The following ZGRF1 variants were observed in gnomAD, a reference collection of about 807,000 sequenced individuals.
ZGRF1 encodes the protein 5'-3' DNA helicase ZGRF1.
ZGRF1 carries 196 observed loss-of-function variants against 203.5 expected under a neutral mutation model. That is an observed-to-expected ratio of 0.96 (90% CI 0.86 to 1.08). ZGRF1 has a LOEUF of 1.08. Ranked by LOEUF, ZGRF1 falls within the 50% of genes least tolerant of loss-of-function variation. The pLI is 0.00. For missense variants in ZGRF1, 2,326 were observed against 2,416.3 expected (o/e 0.96, Z 0.78); for synonymous variants, 809 against 841.3 (o/e 0.96, Z 0.66).
At chr4:112,585,793 C>T (rs570199999) in intron 13 of ZGRF1, 68 bp from the exon 14 acceptor site, 48 of 1,128,794 alleles carry the variant, frequency 4.3e-5, no homozygotes, top group South Asian at 1.2e-4. Flanking sequence ...CACATATGTG[C>T]TGTTTGTAGC....
intron 1 of ZGRF1, among the ~76,000 whole-genome samples, chr4:112,634,670 C>T (rs7656593): frequency 0.39 from 59,429 of 150,952 alleles, 11,844 homozygotes; most frequent in South Asian, 0.49. Flanking sequence ...AATAAAAGGG[C>T]GAGGCGGGGG....
Position 112,633,137 on chromosome 4 carries a change from GA to G in ZGRF1, c.21+18del. On this transcript the variant is annotated intron_variant, in intron 2 of 27. Coordinates refer to ENST00000505019, the MANE Select transcript of ZGRF1 (RefSeq NM_018392.5). ...GAGGAAGGGAATTTCACCAAACTGTGAAAAATGGTAAAACTTACAATAAATT... is the reference window on the plus strand; with the variant it reads ...GAGGAAGGGAATTTCACCAAACTGTGAAAATGGTAAAACTTACAATAAATT... 4 of 1,604,218 alleles carry G rather than the reference GA, an allele frequency of 2.5e-6. No homozygotes were observed. The highest frequency in any genetic ancestry group is 3.4e-6 in the Non-Finnish European group (4 of 1,172,134).
At position 112,589,867 on chromosome 4, in the gene ZGRF1, G is replaced by A; in HGVS notation, c.2984C>T (p.Ser995Leu). 6.3e-7 allele frequency: 1 copy of A among 1,597,150 alleles called. No individual in the cohort carries two copies. ...CMQIDFLQVT[S>L]PEENISTLSP... ...CAATGTAGAGATGTTTTCTTCTGGT[G>A]ATGTCACCTATACAGAAAGAAGAAT... The change falls in exon 11 of 28, where the codon TCA (serine) becomes TTA (leucine). Residue 995 changes from serine to leucine, a missense_variant. Transcript: ENST00000505019.
intron 2 of ZGRF1, among the ~76,000 whole-genome samples, chr4:112,632,684 A>T (rs1387018301): frequency 6.6e-6 from 1 of 152,250 alleles, no homozygotes; most frequent in Admixed American, 6.5e-5. Flanking sequence ...AAAAACATCA[A>T]TAGACGTAAG....
rs1324131965 is a variant in ZGRF1 at position 112,540,946 on chromosome 4, CTCTT to C, written c.5781_5784del (p.Arg1928IlefsTer16). On this transcript the variant is annotated frameshift_variant, in exon 26 of 28. Transcript: ENST00000505019. LOFTEE classifies it high-confidence loss of function. ...TCTGCCACATTATGAAAGCTGTTAT[CTCTT>C]TCTATCTGGAGTAAGAAATAGATCC... 3.8e-6 allele frequency: 6 copies of C among 1,568,570 alleles called. No individual in the cohort carries two copies. Among genetic ancestry groups the C allele is most frequent in the African/African-American group, 1.3e-5 (1 of 74,124 alleles).
chr4:112,571,933 C>T (rs1438277083), intron 16 of ZGRF1, among the ~76,000 whole-genome samples: 1 of 152,056 alleles, frequency 6.6e-6, no homozygotes, highest in East Asian at 1.9e-4. Context: ...TACAAATTAA[C>T]CTACAGTATA....
Position 112,585,700 on chromosome 4 carries a change from C to T in ZGRF1, c.3942G>A (p.Gly1314=), listed in dbSNP as rs1358715384. The change falls in exon 14 of 28, where the codon GGG becomes GGA. Residue 1314 remains glycine (G), a synonymous_variant. Coordinates refer to ENST00000505019, the MANE Select transcript of ZGRF1 (RefSeq NM_018392.5). ...GAGCTTTCTGCAGGTTTTGTGCTAA[C>T]CCAAACAGCAATATATTTAGATGTT... is the stretch of plus-strand genomic sequence containing the variant. The part of the protein sequence containing the change: ...LIEHLNILLF[G]LAQNLQKALS... 7 of 1,582,390 alleles carry T rather than the reference C, an allele frequency of 4.4e-6. No homozygotes were observed. In the Admixed American group the frequency reaches 1.3e-4, roughly 29 times the overall value.
chr4:112,603,597 C>T lies in ZGRF1; in HGVS notation c.2903G>A (p.Ser968Asn), dbSNP rs759669167. ...TGTCATAAAGTTTTCATACTCAGTGCTATCTGGAAACTGACTGCATCCTAG... is the reference window on the plus strand; with the variant it reads ...TGTCATAAAGTTTTCATACTCAGTGTTATCTGGAAACTGACTGCATCCTAG... ...SQLGCSQFPD[S>N]TEYENFMTET... Residue 968 changes from serine to asparagine, a missense_variant, in exon 10 of 28, where the codon AGC (serine) becomes AAC (asparagine). Transcript: ENST00000505019. 4 of 1,613,450 alleles carry T rather than the reference C, an allele frequency of 2.5e-6. No individual in the cohort carries two copies. Among genetic ancestry groups the T allele is most frequent in the Non-Finnish European group, 3.4e-6 (4 of 1,179,482 alleles).
intron 3 of ZGRF1, 132 bp downstream of exon 3, chr4:112,631,798 T>C (rs2047419898): frequency 2.1e-6 from 1 of 472,840 alleles, no homozygotes; most frequent in African/African-American, 2.0e-5. Context: ...TGGGGATCAT[T>C]TGAAAATCTG....
intron 16 of ZGRF1, among the ~76,000 whole-genome samples, chr4:112,573,978 T>C (rs1379270143): frequency 6.6e-6 from 1 of 152,220 alleles, no homozygotes; most frequent in Non-Finnish European, 1.5e-5. Context: ...AATCATCTTA[T>C]ACTCATTTGA....
chr4:112,603,223 AT>A lies in ZGRF1; in HGVS notation c.2976+300del, dbSNP rs1219527636. ...GAAGGGAAATATCAGAAGAAAAAAA[AT>A]CTATTAGATGTTAAACAGGTGAGTA... On this transcript the variant is annotated intron_variant, in intron 10 of 27. Coordinates refer to ENST00000505019, the MANE Select transcript of ZGRF1 (RefSeq NM_018392.5). Among the ~76,000 whole-genome samples, 12 of 152,312 alleles carry A rather than the reference AT, an allele frequency of 7.9e-5. 1 individual carries two copies. The highest frequency in any genetic ancestry group is 4.6e-4 in the Admixed American group (7 of 15,300).
chr4:112,623,453 A>G (rs2047129289), intron 4 of ZGRF1, among the ~76,000 whole-genome samples: 1 of 152,168 alleles, frequency 6.6e-6, no homozygotes, highest in Non-Finnish European at 1.5e-5. Context: ...TGTCACAAAA[A>G]ATTTCCCACA....
intron 16 of ZGRF1, among the ~76,000 whole-genome samples, chr4:112,569,527 G>A (rs1217172827): frequency 2.6e-5 from 4 of 152,162 alleles, no homozygotes; most frequent in Non-Finnish European, 4.4e-5. Context: ...TCAACTGGGG[G>A]CAGGGCGGGC....
rs982885671 is a variant in ZGRF1 at position 112,560,609 on chromosome 4, T to G, written c.4960+124A>C. The G allele has an allele frequency of 3.6e-6, 3 of 828,300 alleles. No individual in the cohort carries two copies. The African/African-American group carries it at 5.1e-5, about 14-fold the overall frequency. 51.3% of individuals were successfully genotyped at this position (828,300 alleles called of 1,614,324 possible). The stretch of plus-strand genomic sequence containing the variant: ...ACAGTTTACCAAAGTGGGTACAGGT[T>G]TAAAAAGTCTACTTAGAGTTATTCT... On this transcript the variant is annotated intron_variant, in intron 19 of 27. Transcript: ENST00000505019.
At position 112,560,625 on chromosome 4, in the gene ZGRF1, G is replaced by A. The variant is rs909870459; in HGVS notation, c.4960+108C>T. ...GGTACAGGTTTAAAAAGTCTACTTA[G>A]AGTTATTCTTGAACCTCATTTGACT... is the stretch of plus-strand genomic sequence containing the variant. On this transcript the variant is annotated intron_variant, in intron 19 of 27. Transcript: ENST00000505019. The A allele has an allele frequency of 3.1e-6, 3 of 953,004 alleles. No homozygotes were observed. In the African/African-American group the frequency reaches 4.9e-5, roughly 16 times the overall value. 59.0% of individuals were successfully genotyped at this position (953,004 alleles called of 1,614,324 possible).
intron 10 of ZGRF1, among the ~76,000 whole-genome samples, chr4:112,600,904 C>T (rs750765664): frequency 6.6e-6 from 1 of 152,196 alleles, no homozygotes; most frequent in East Asian, 1.9e-4. Flanking sequence ...TCGGGGCCTT[C>T]GCAGCCTCCA....
rs1389882009 is a variant in ZGRF1 at position 112,618,645 on chromosome 4, C to T, written c.1397G>A (p.Gly466Glu). ...KENAQEVNTC[G>E]TLEKEYEQSE... is the part of the protein sequence containing the mutation. ...TTGTTCATACTCCTTTTCCAGTGTTCCACATGTATTTACCTCCTGAGCATT... is the reference window on the plus strand; with the variant it reads ...TTGTTCATACTCCTTTTCCAGTGTTTCACATGTATTTACCTCCTGAGCATT... Residue 466 changes from glycine (G) to glutamate (E), a missense_variant, in exon 6 of 28, where the codon GGA becomes GAA. Transcript: ENST00000505019. The T allele has an allele frequency of 6.2e-7, 1 of 1,613,186 alleles. No homozygotes were observed. The highest frequency in any genetic ancestry group is 8.5e-7 in the Non-Finnish European group (1 of 1,179,602).
chr4:112,623,662 C>CTAATCTA (rs1305630477), intron 4 of ZGRF1, among the ~76,000 whole-genome samples, 155 bp downstream of exon 4: 1 of 152,028 alleles, frequency 6.6e-6, no homozygotes, highest in African/African-American at 2.4e-5. Context: ...TTAAAGGAAA[C>CTAATCTA]AATATCTAAA....
chr4:112,593,063 T>C lies in ZGRF1; in HGVS notation c.2977-3189A>G, dbSNP rs145864505. 1.2e-3 allele frequency among the ~76,000 whole-genome samples: 187 copies of C among 152,332 alleles called. 4 individuals are homozygous for C. In the East Asian group the frequency reaches 0.022, roughly 18 times the overall value. Reference sequence around the variant, plus strand: ...ATCAGAAACAGAATTGGCTGGAACCTTGATCTTGGACTTCTAGCTTTCAGA... The same window carrying C: ...ATCAGAAACAGAATTGGCTGGAACCCTGATCTTGGACTTCTAGCTTTCAGA... On this transcript the variant is annotated intron_variant, in intron 10 of 27. Transcript: ENST00000505019.
Sources: gnomAD v4.1 joint callset for allele counts (sites outside exome capture counted in the v4.1 genomes callset) on GRCh38, gnomAD v4.1.1 for gene constraint, MANE v1.5 for transcripts, NCBI Gene and HGNC (gene_info 2026-07-23, HGNC 2026-07-21) for gene names.